The following PIK3CA variants were observed in gnomAD, a reference collection of about 807,000 sequenced individuals.
PIK3CA encodes phosphatidylinositol-4,5-bisphosphate 3-kinase catalytic subunit alpha, also known as phosphatidylinositol 4,5-bisphosphate 3-kinase catalytic subunit alpha isoform.
In PIK3CA, 27 loss-of-function variants were observed where a neutral mutation model predicts 138.2. The observed-to-expected ratio is 0.20, with a 90% CI of 0.14 to 0.27. The LOEUF is 0.27. Among genes scored for constraint, PIK3CA ranks in the 10% least tolerant of loss-of-function variants. The probability of loss-of-function intolerance (pLI) is 1.00; values close to 1 mark genes in which losing one functional copy is unlikely to be tolerated. For missense variants in PIK3CA, 544 were observed against 1,277.4 expected, an observed-to-expected ratio of 0.43 and a Z score of 8.75; for synonymous variants, 358 against 413.2, an observed-to-expected ratio of 0.87 and a Z score of 1.62.
intron 1 of PIK3CA, among the ~76,000 whole-genome samples, chr3:179,176,763 ATTG>A (rs1228439398): frequency 3.9e-5 from 6 of 152,144 alleles, no homozygotes; most frequent in Non-Finnish European, 8.8e-5. Flanking sequence ...TTTCATGAAT[ATTG>A]TTGCAATGAA....
chr3:179,159,736 T>G (rs1453427715), intron 1 of PIK3CA, among the ~76,000 whole-genome samples: 2 of 152,214 alleles, frequency 1.3e-5, no homozygotes, highest in Non-Finnish European at 2.9e-5. Context: ...CATCATTAGA[T>G]GATTTCATCA....
At chr3:179,199,986 T>TC in intron 3 of PIK3CA, 87 bp downstream of exon 3, 1 of 793,030 alleles carries the variant, frequency 1.3e-6, no homozygotes, top group South Asian at 1.9e-5. Context: ...TTTTTTTTTT[T>TC]TCCAGCTAGA....
intron 14 of PIK3CA, 46 bp from the exon 15 acceptor site, chr3:179,224,035 T>G (rs199544381): frequency 5.7e-5 from 60 of 1,048,284 alleles, no homozygotes; most frequent in Non-Finnish European, 8.5e-5. Context: ...GTTTTATCTT[T>G]TATTAAGTCA....
At chr3:179,205,607 A>C (rs982933657) in intron 6 of PIK3CA, among the ~76,000 whole-genome samples, 1 of 152,178 alleles carries the variant, frequency 6.6e-6, no homozygotes, top group African/African-American at 2.4e-5. Context: ...TTTGGTAGCA[A>C]ATTAATTTGT....
At chr3:179,203,096 A>T (rs534994551) in intron 4 of PIK3CA, among the ~76,000 whole-genome samples, 1 of 151,348 alleles carries the variant, frequency 6.6e-6, no homozygotes, top group African/African-American at 2.4e-5. Context: ...GCCCGCCACT[A>T]CGCCCGGCTA....
chr3:179,154,611 A>G (rs1363136838), intron 1 of PIK3CA, among the ~76,000 whole-genome samples: 1 of 152,210 alleles, frequency 6.6e-6, no homozygotes, highest in Non-Finnish European at 1.5e-5. Flanking sequence ...ACAGATTGTA[A>G]CACATTTTTG....
At chr3:179,169,335 C>T (rs1170567169) in intron 1 of PIK3CA, 1 of 152,022 alleles carries the variant, frequency 6.6e-6, no homozygotes, top group Non-Finnish European at 1.5e-5. Flanking sequence ...ACACAAAAAT[C>T]CTATTGGCAT....
chr3:179,161,502 C>G (rs1050953199), intron 1 of PIK3CA, among the ~76,000 whole-genome samples: 1 of 151,712 alleles, frequency 6.6e-6, no homozygotes, highest in Non-Finnish European at 1.5e-5. Context: ...TTTAAGACCA[C>G]CCTGGCCAAC....
At chr3:179,216,625 G>A (rs1351271411) in intron 9 of PIK3CA, among the ~76,000 whole-genome samples, 1 of 152,078 alleles carries the variant, frequency 6.6e-6, no homozygotes, top group African/African-American at 2.4e-5. Flanking sequence ...GTTATGAGCC[G>A]TCAGAATTTT....
intron 1 of PIK3CA, among the ~76,000 whole-genome samples, chr3:179,191,525 C>A (rs1402263275): frequency 6.6e-6 from 1 of 152,112 alleles, no homozygotes; most frequent in Non-Finnish European, 1.5e-5. Context: ...GCCAGTTGTG[C>A]CAATTGTGCT....
At chr3:179,164,496 GAATGTTTTCAC>G (rs1351555553) in intron 1 of PIK3CA, among the ~76,000 whole-genome samples, 1 of 152,226 alleles carries the variant, frequency 6.6e-6, no homozygotes, top group African/African-American at 2.4e-5. Context: ...TTTGTTTTCA[GAATGTTTTCAC>G]ATCTCTATTT....
At chr3:179,197,986 T>C (rs1724311234) in intron 1 of PIK3CA, among the ~76,000 whole-genome samples, 1 of 152,226 alleles carries the variant, frequency 6.6e-6, no homozygotes, top group Admixed American at 6.5e-5. Flanking sequence ...ATCTTATTTA[T>C]GTGTAGATTC....
intron 20 of PIK3CA, among the ~76,000 whole-genome samples, chr3:179,232,083 T>A (rs893647689): frequency 1.3e-5 from 2 of 152,222 alleles, no homozygotes; most frequent in Non-Finnish European, 2.9e-5. Context: ...TTGATGATTC[T>A]TTCTTTTGTT....
At chr3:179,209,528 G>C in intron 6 of PIK3CA, 67 bp from the exon 7 acceptor site, 1 of 826,900 alleles carries the variant, frequency 1.2e-6, no homozygotes. Flanking sequence ...TGATTTGTAG[G>C]AGTCATTTAT....
chr3:179,191,908 G>C (rs946099129), intron 1 of PIK3CA, among the ~76,000 whole-genome samples: 1 of 152,188 alleles, frequency 6.6e-6, no homozygotes, highest in Non-Finnish European at 1.5e-5. Context: ...AAAGTGCTAG[G>C]ATTACAGGCA....
chr3:179,223,580 A>C (rs1047574127), intron 14 of PIK3CA, among the ~76,000 whole-genome samples: 1 of 152,180 alleles, frequency 6.6e-6, no homozygotes, highest in Non-Finnish European at 1.5e-5. Flanking sequence ...TAAGGTTATT[A>C]AGCTAATGTA....
At chr3:179,190,830 C>T (rs1416955928) in intron 1 of PIK3CA, among the ~76,000 whole-genome samples, 3 of 152,244 alleles carry the variant, frequency 2.0e-5, no homozygotes, top group East Asian at 3.9e-4. Context: ...AAGGGCCAGA[C>T]GGCTGAAGCT....
chr3:179,202,834 G>A (rs2108391575), intron 4 of PIK3CA, among the ~76,000 whole-genome samples: 1 of 152,166 alleles, frequency 6.6e-6, no homozygotes, highest in Admixed American at 6.5e-5. Flanking sequence ...CCTTTGGATG[G>A]GACATCAGTA....
At chr3:179,210,399 GTA>G in intron 8 of PIK3CA, 30 bp from the exon 9 acceptor site, 2 of 1,601,750 alleles carry the variant, frequency 1.2e-6, no homozygotes, top group Non-Finnish European at 1.7e-6. Flanking sequence ...TCTCTCTTAT[GTA>G]TATATAATAG....
Sources: allele counts gnomAD v4.1 joint callset (sites outside exome capture counted in the v4.1 genomes callset), GRCh38; gene constraint gnomAD v4.1.1; transcripts MANE v1.5; gene names NCBI Gene and HGNC (gene_info 2026-07-23, HGNC 2026-07-21).